The following MAPK10 variants were observed in gnomAD, a reference collection of about 807,000 sequenced individuals.
MAPK10 encodes mitogen-activated protein kinase 10.
Under a neutral mutation model 59.3 loss-of-function variants are expected in MAPK10, and 25 were observed. The observed-to-expected ratio is 0.42, with a 90% CI of 0.31 to 0.59. The LOEUF is 0.59. MAPK10 is among the 20% of genes least tolerant of loss of function. MAPK10 has a pLI of 0.15. For synonymous variants in MAPK10, 190 were observed against 200.5 expected (o/e 0.95, Z 0.44); for missense variants, 351 against 568.9 (o/e 0.62, Z 3.90).
intron 1 of MAPK10, among the ~76,000 whole-genome samples, chr4:86,556,992 C>A (rs1261635514): frequency 6.6e-6 from 1 of 151,930 alleles, no homozygotes; most frequent in East Asian, 1.9e-4. Flanking sequence ...TGGGACAGAG[C>A]CATTTTAAAT....
chr4:86,081,704 T>C (rs2050697060), intron 9 of MAPK10: 1 of 152,018 alleles, frequency 6.6e-6, no homozygotes, highest in East Asian at 1.9e-4. Context: ...AATATGACAA[T>C]GGCAAAAGTT....
At chr4:86,061,541 A>G (rs2045763026) in intron 11 of MAPK10, among the ~76,000 whole-genome samples, 1 of 152,166 alleles carries the variant, frequency 6.6e-6, no homozygotes, top group Admixed American at 6.6e-5. Flanking sequence ...GAATTATGAC[A>G]ACATTCATTC....
chr4:86,309,236 T>TAA (rs2095624989), intron 2 of MAPK10, among the ~76,000 whole-genome samples: 1 of 152,158 alleles, frequency 6.6e-6, no homozygotes, highest in Non-Finnish European at 1.5e-5. Flanking sequence ...TAAAAAGTAA[T>TAA]TGAGGCTGTA....
intron 2 of MAPK10, among the ~76,000 whole-genome samples, chr4:86,202,676 C>T (rs1321809839): frequency 2.0e-5 from 3 of 151,780 alleles, no homozygotes; most frequent in East Asian, 3.9e-4. Context: ...CCAGCAGTGA[C>T]GTTTCAGTTC....
intron 2 of MAPK10, 58 bp from the exon 3 acceptor site, chr4:86,194,465 C>T (rs1307506977): frequency 2.0e-6 from 2 of 993,452 alleles, no homozygotes; most frequent in East Asian, 4.8e-5. Flanking sequence ...CATTATATAA[C>T]AATATAGATT....
intron 1 of MAPK10, among the ~76,000 whole-genome samples, chr4:86,422,468 T>G (rs1333183725): frequency 6.6e-6 from 1 of 152,208 alleles, no homozygotes. Flanking sequence ...TCTTGCACCT[T>G]CATTCCATTA....
intron 4 of MAPK10, among the ~76,000 whole-genome samples, chr4:86,137,127 G>C (rs1562187157): frequency 6.6e-6 from 1 of 150,558 alleles, no homozygotes; most frequent in Admixed American, 6.6e-5. Context: ...ACAGATCAAC[G>C]AGACAGAAGG....
chr4:86,558,879 T>C (rs1465599930), intron 1 of MAPK10, among the ~76,000 whole-genome samples: 2 of 151,222 alleles, frequency 1.3e-5, no homozygotes, highest in Non-Finnish European at 2.9e-5. Context: ...CTGTATCAGA[T>C]CATTCATGGG....
chr4:86,310,639 A>T (rs2095649877), intron 2 of MAPK10, among the ~76,000 whole-genome samples: 1 of 152,210 alleles, frequency 6.6e-6, no homozygotes, highest in Admixed American at 6.5e-5. Flanking sequence ...AGTTGATTCT[A>T]AAATTTCTGG....
chr4:86,295,356 T>C (rs74974318), intron 2 of MAPK10, among the ~76,000 whole-genome samples: 1,609 of 152,230 alleles, frequency 0.011, 34 homozygotes, highest in African/African-American at 0.037. Context: ...TTTAAACTTG[T>C]ATTCTCCTCC....
chr4:86,347,509 C>T (rs986863178), intron 2 of MAPK10, among the ~76,000 whole-genome samples: 2 of 152,128 alleles, frequency 1.3e-5, no homozygotes, highest in African/African-American at 4.8e-5. Context: ...TTCTACCAAT[C>T]AGTGGAGGAA....
chr4:86,305,997 G>A (rs374277268), intron 2 of MAPK10, among the ~76,000 whole-genome samples: 22 of 152,038 alleles, frequency 1.4e-4, no homozygotes, highest in Non-Finnish European at 2.5e-4. Flanking sequence ...ATATTATTGG[G>A]ACTTCATTTT....
At chr4:86,388,211 TGA>T (rs571495609) in intron 1 of MAPK10, among the ~76,000 whole-genome samples, 7 of 150,846 alleles carry the variant, frequency 4.6e-5, no homozygotes, top group Non-Finnish European at 5.9e-5. Context: ...TGTGTCTGTG[TGA>T]GAGAGAGAGA....
chr4:86,392,613 A>C (rs1742381723), intron 1 of MAPK10, among the ~76,000 whole-genome samples: 1 of 152,220 alleles, frequency 6.6e-6, no homozygotes. Flanking sequence ...AAAAGAAAAA[A>C]AAAAGGAGCA....
intron 1 of MAPK10, among the ~76,000 whole-genome samples, chr4:86,474,451 T>C (rs1752904730): frequency 1.3e-5 from 2 of 152,242 alleles, no homozygotes; most frequent in African/African-American, 4.8e-5. Flanking sequence ...TTGGAGTTAC[T>C]ATTAACACAG....
intron 1 of MAPK10, among the ~76,000 whole-genome samples, chr4:86,477,718 C>T (rs994303484): frequency 2.0e-5 from 3 of 152,204 alleles, no homozygotes; most frequent in Admixed American, 6.5e-5. Context: ...CAGGTTAGTT[C>T]AGGATCTGCA....
chr4:86,336,152 C>T (rs1454930009), intron 2 of MAPK10, among the ~76,000 whole-genome samples: 2 of 152,154 alleles, frequency 1.3e-5, no homozygotes, highest in Non-Finnish European at 2.9e-5. Context: ...GGGAAAACAA[C>T]TAGAACATGA....
intron 4 of MAPK10, among the ~76,000 whole-genome samples, chr4:86,147,912 AT>A (rs2065402208): frequency 6.6e-6 from 1 of 152,198 alleles, no homozygotes; most frequent in Non-Finnish European, 1.5e-5. Flanking sequence ...TTATTAGTAC[AT>A]TTTATGATTT....
intron 4 of MAPK10, chr4:86,125,444 C>T (rs1401303498): frequency 2.0e-5 from 3 of 151,566 alleles, no homozygotes; most frequent in Non-Finnish European, 2.9e-5. Flanking sequence ...ATTATTTTTA[C>T]GACCATCAAT....
Sources: gnomAD v4.1 joint callset for allele counts (sites outside exome capture counted in the v4.1 genomes callset) on GRCh38, gnomAD v4.1.1 for gene constraint, MANE v1.5 for transcripts, NCBI Gene and HGNC (gene_info 2026-07-23, HGNC 2026-07-21) for gene names.